Variants in MTUS2 observed in about 807,000 individuals in gnomAD.
MTUS2 encodes the protein microtubule-associated tumor suppressor candidate 2.
In MTUS2, 40 loss-of-function variants were observed where a neutral mutation model predicts 114.1. That is an observed-to-expected ratio of 0.35 (90% confidence interval 0.27 to 0.46). The LOEUF is 0.46. Ranked by LOEUF, MTUS2 falls within the 20% of genes least tolerant of loss-of-function variation. MTUS2 has a pLI of 1.00. For missense variants in MTUS2, 1,679 were observed against 1,705.4 expected (o/e 0.98, Z 0.27); for synonymous variants, 688 against 672.0 (o/e 1.02, Z -0.37).
intron 2 of MTUS2, among the ~76,000 whole-genome samples, chr13:28,989,784 G>A (rs1212625401): frequency 6.6e-6 from 1 of 152,128 alleles, no homozygotes; most frequent in Non-Finnish European, 1.5e-5. Context: ...GGGACTGCAG[G>A]GCCATGTATG....
At chr13:29,281,931 T>C in intron 6 of MTUS2, 66 bp downstream of exon 6, 1 of 1,488,216 alleles carries the variant, frequency 6.7e-7, no homozygotes, top group Non-Finnish European at 9.0e-7. Context: ...AAAAAGTCTT[T>C]TGAAAGCCCC....
intron 4 of MTUS2, among the ~76,000 whole-genome samples, chr13:29,066,949 A>G (rs1173843594): frequency 6.6e-6 from 1 of 152,200 alleles, no homozygotes; most frequent in Non-Finnish European, 1.5e-5. Context: ...AGCATGGGCA[A>G]AGGTAGAATA....
At chr13:28,879,750 ACT>A (rs1040179815) in intron 2 of MTUS2, among the ~76,000 whole-genome samples, 5 of 151,848 alleles carry the variant, frequency 3.3e-5, no homozygotes, top group Non-Finnish European at 5.9e-5. Flanking sequence ...GGGAGGGAAA[ACT>A]CTCTAAAGTG....
intron 4 of MTUS2, among the ~76,000 whole-genome samples, chr13:29,084,701 G>A (rs781390044): frequency 6.6e-6 from 1 of 151,348 alleles, no homozygotes; most frequent in African/African-American, 2.4e-5. Context: ...CCACACCCAG[G>A]TAATTTTTGT....
intron 8 of MTUS2, among the ~76,000 whole-genome samples, chr13:29,407,352 CTA>C (rs1018137661): frequency 4.0e-5 from 6 of 151,444 alleles, no homozygotes; most frequent in Admixed American, 3.9e-4. Flanking sequence ...AAGTTTCTCT[CTA>C]AAGTATATAT....
At chr13:29,049,927 C>T (rs1282189860) in intron 4 of MTUS2, among the ~76,000 whole-genome samples, 1 of 152,220 alleles carries the variant, frequency 6.6e-6, no homozygotes, top group Admixed American at 6.5e-5. Context: ...GAAAAAGAGC[C>T]TGCGCCCCTC....
intron 4 of MTUS2, among the ~76,000 whole-genome samples, chr13:29,055,520 CA>C (rs1045077074): frequency 6.6e-6 from 1 of 152,092 alleles, no homozygotes; most frequent in African/African-American, 2.4e-5. Context: ...ACCCTCCTCC[CA>C]CCTTCTACCC....
chr13:29,290,777 G>A (rs1440412931), intron 6 of MTUS2, among the ~76,000 whole-genome samples: 7 of 152,124 alleles, frequency 4.6e-5, no homozygotes, highest in African/African-American at 1.7e-4. Flanking sequence ...CACGAGTTTA[G>A]TTGTCTAATG....
At chr13:29,456,850 A>G (rs1879139249) in intron 9 of MTUS2, among the ~76,000 whole-genome samples, 1 of 152,212 alleles carries the variant, frequency 6.6e-6, no homozygotes, top group Non-Finnish European at 1.5e-5. Flanking sequence ...TAAATATAAA[A>G]GACTAGGCCG....
chr13:29,213,921 G>T (rs1405293177), intron 5 of MTUS2, among the ~76,000 whole-genome samples: 2 of 151,128 alleles, frequency 1.3e-5, no homozygotes, highest in Non-Finnish European at 3.0e-5. Context: ...TTTTGGCACT[G>T]AATAGTTTAT....
chr13:29,325,841 A>G (rs1222294131), intron 7 of MTUS2, among the ~76,000 whole-genome samples: 1 of 152,204 alleles, frequency 6.6e-6, no homozygotes, highest in Non-Finnish European at 1.5e-5. Flanking sequence ...AGGCACAGAC[A>G]TTTCATTAAT....
chr13:28,963,885 A>G (rs1883454231), intron 2 of MTUS2, among the ~76,000 whole-genome samples: 1 of 151,910 alleles, frequency 6.6e-6, no homozygotes, highest in African/African-American at 2.4e-5. Flanking sequence ...GCTCTTTCCC[A>G]TCTCTTGCCA....
At chr13:29,249,022 C>G (rs1451147723) in intron 5 of MTUS2, among the ~76,000 whole-genome samples, 1 of 152,180 alleles carries the variant, frequency 6.6e-6, no homozygotes, top group Non-Finnish European at 1.5e-5. Context: ...GAGTCTCGCT[C>G]TGTCACCCAG....
intron 2 of MTUS2, among the ~76,000 whole-genome samples, chr13:29,011,895 G>T (rs983855254): frequency 6.6e-6 from 1 of 152,140 alleles, no homozygotes; most frequent in Non-Finnish European, 1.5e-5. Context: ...TAGTTCATTT[G>T]ACAGAAGAAA....
intron 1 of MTUS2, among the ~76,000 whole-genome samples, chr13:28,829,731 C>T (rs1256421385): frequency 1.3e-5 from 2 of 152,200 alleles, no homozygotes; most frequent in Non-Finnish European, 2.9e-5. Context: ...AATTGTTTAA[C>T]CTCTCAGCTG....
intron 2 of MTUS2, among the ~76,000 whole-genome samples, chr13:28,899,113 A>G (rs962814202): frequency 1.3e-5 from 2 of 152,190 alleles, no homozygotes; most frequent in African/African-American, 4.8e-5. Context: ...TTTTGAGGTA[A>G]TTGTAGATTC....
chr13:29,140,636 G>T (rs910827955), intron 5 of MTUS2, among the ~76,000 whole-genome samples: 1 of 152,162 alleles, frequency 6.6e-6, no homozygotes. Flanking sequence ...AAAGGTATTT[G>T]TTCATTCGTT....
intron 2 of MTUS2, among the ~76,000 whole-genome samples, chr13:28,986,006 C>T (rs546144761): frequency 2.0e-5 from 3 of 152,284 alleles, no homozygotes; most frequent in South Asian, 2.1e-4. Flanking sequence ...CTCTTTCTCT[C>T]GAGCTCTGAT....
At chr13:29,368,540 C>T (rs1341456409) in intron 8 of MTUS2, among the ~76,000 whole-genome samples, 1 of 152,132 alleles carries the variant, frequency 6.6e-6, no homozygotes, top group Admixed American at 6.5e-5. Flanking sequence ...TGACGAATAT[C>T]CTAAATTCCC....
Sources: gnomAD v4.1 joint callset for allele counts (sites outside exome capture counted in the v4.1 genomes callset) on GRCh38, gnomAD v4.1.1 for gene constraint, MANE v1.5 for transcripts, NCBI Gene and HGNC (gene_info 2026-07-23, HGNC 2026-07-21) for gene names.